Variants in KMO observed in about 807,000 individuals in gnomAD.
KMO encodes kynurenine 3-hydroxylase.
Under a neutral mutation model 57.8 loss-of-function variants are expected in KMO, and 24 were observed. The ratio of observed to expected loss-of-function variants is 0.42; its 90% CI spans 0.30 to 0.58. The LOEUF is 0.58. Ranked by LOEUF, KMO falls within the 20% of genes least tolerant of loss-of-function variation. The probability of loss-of-function intolerance (pLI) is 0.22; values close to 1 mark genes in which losing one functional copy is unlikely to be tolerated. For missense variants in KMO, 483 were observed against 588.2 expected (o/e 0.82, Z 1.85); for synonymous variants, 210 against 193.6 (o/e 1.08, Z -0.70).
chr1:241,578,745 G>A (rs1468423573), intron 10 of KMO, among the ~76,000 whole-genome samples: 1 of 152,088 alleles, frequency 6.6e-6, no homozygotes, highest in Admixed American at 6.5e-5. Context: ...AGGTAATGGT[G>A]TGTATTAATC....
chr1:241,592,242 C>T lies in KMO; in HGVS notation c.*89C>T. ...TGTTTCCATTGCCATATTTGATTCA[C>T]TAGTGGAAGATAGTGTTCTGCTTAT... On this transcript the variant is annotated 3_prime_UTR_variant, in exon 15 of 15. Transcript: ENST00000366559. 2 of 902,326 alleles carry T rather than the reference C, an allele frequency of 2.2e-6. No homozygotes were observed. The highest frequency in any genetic ancestry group is 1.5e-5 in the South Asian group (1 of 65,774). The allele number at this position is 902,326 out of a possible 1,614,324, so 55.9% of individuals were successfully genotyped here. A position where few individuals can be genotyped will look rare whatever the true frequency, so the allele number is the denominator to read the frequency against.
rs767738608 is a variant in KMO at position 241,549,643 on chromosome 1, G to A, written c.125-34G>A. ...CTCATCCTGAGCTAGGATATAAAGT[G>A]TGCGTAACATGGAGTCTGCTTCCAA... is the stretch of plus-strand genomic sequence containing the variant. On this transcript the variant is annotated intron_variant, in intron 2 of 14. Transcript: ENST00000366559. 2.2e-6 allele frequency: 3 copies of A among 1,387,398 alleles called. No individual in the cohort carries two copies. In the Admixed American group the frequency reaches 5.1e-5, roughly 24 times the overall value. The allele number at this position is 1,387,398 out of a possible 1,614,324, so 85.9% of individuals were successfully genotyped here.
chr1:241,540,858 G>A (rs952492206), intron 1 of KMO, among the ~76,000 whole-genome samples: 2 of 151,978 alleles, frequency 1.3e-5, no homozygotes, highest in African/African-American at 2.4e-5. Flanking sequence ...GAACCCAGGG[G>A]TTTGAGACCA....
At chr1:241,550,797 A>G (rs1661365876) in intron 3 of KMO, among the ~76,000 whole-genome samples, 158 bp from the exon 4 acceptor site, 1 of 152,216 alleles carries the variant, frequency 6.6e-6, no homozygotes, top group South Asian at 2.1e-4. Flanking sequence ...CACCATTTTC[A>G]TTGAAGGAGT....
intron 11 of KMO, 87 bp from the exon 12 acceptor site, chr1:241,588,661 T>C (rs1663117092): frequency 1.2e-6 from 1 of 853,348 alleles, no homozygotes; most frequent in Admixed American, 2.0e-5. Flanking sequence ...AGAGCATTGG[T>C]AGTGAACGTA....
chr1:241,550,293 C>T (rs1011424135), intron 3 of KMO, among the ~76,000 whole-genome samples: 1 of 152,050 alleles, frequency 6.6e-6, no homozygotes, highest in Non-Finnish European at 1.5e-5. Context: ...ATGTGATATC[C>T]AGCATATGTG....
intron 10 of KMO, among the ~76,000 whole-genome samples, chr1:241,570,779 T>G (rs1254178530): frequency 6.6e-6 from 1 of 152,126 alleles, no homozygotes; most frequent in Non-Finnish European, 1.5e-5. Context: ...CTTTGGTGAT[T>G]TCATATACAT....
intron 4 of KMO, among the ~76,000 whole-genome samples, chr1:241,551,385 T>C (rs370505328): frequency 1.1e-4 from 16 of 152,230 alleles, no homozygotes; most frequent in African/African-American, 3.6e-4. Context: ...TCAAGCATAA[T>C]GTACAAGAAC....
intron 1 of KMO, among the ~76,000 whole-genome samples, chr1:241,543,362 T>G (rs562260761): frequency 6.6e-6 from 1 of 152,352 alleles, no homozygotes; most frequent in Admixed American, 6.5e-5. Flanking sequence ...TATTTGCATA[T>G]GTCTATAGTT....
chr1:241,546,886 G>A (rs1661168295), intron 1 of KMO, among the ~76,000 whole-genome samples: 1 of 152,154 alleles, frequency 6.6e-6, no homozygotes, highest in Non-Finnish European at 1.5e-5. Flanking sequence ...CTTGGATGGA[G>A]ATTTGAGAAA....
At chr1:241,568,377 T>G in intron 9 of KMO, 123 bp from the exon 10 acceptor site, 2 of 955,170 alleles carry the variant, frequency 2.1e-6, no homozygotes, top group Non-Finnish European at 3.2e-6. Flanking sequence ...TTTTCTGTTT[T>G]CTTCTTGGCA....
intron 4 of KMO, among the ~76,000 whole-genome samples, chr1:241,552,479 C>T (rs990842818): frequency 3.3e-5 from 5 of 152,158 alleles, no homozygotes; most frequent in Non-Finnish European, 7.3e-5. Flanking sequence ...TGTGGGAGCA[C>T]AAAGCCATTC....
In KMO at chr1:241,592,492, G is replaced by A. The variant is rs1471456068; in HGVS notation, c.*339G>A. ...GCCTTTTCTTTAAAAGACACAATAG[G>A]ACTCGCAACAGCATTGACTCAACAC... On this transcript the variant is annotated 3_prime_UTR_variant, in exon 15 of 15. Coordinates refer to ENST00000366559, the MANE Select transcript of KMO (RefSeq NM_003679.5). The A allele has an allele frequency of 1.4e-5, 4 of 277,958 alleles. No homozygotes were observed. The highest frequency in any genetic ancestry group is 2.8e-5 in the Non-Finnish European group (4 of 144,488). 17.2% of individuals were successfully genotyped at this position (277,958 alleles called of 1,614,324 possible).
intron 4 of KMO, among the ~76,000 whole-genome samples, chr1:241,555,225 C>G (rs1661568675): frequency 6.6e-6 from 1 of 152,138 alleles, no homozygotes; most frequent in Admixed American, 6.6e-5. Flanking sequence ...GGAAATAGCA[C>G]TTTGATTCTA....
At position 241,558,662 on chromosome 1, in the gene KMO, A is replaced by G. The variant is rs143994765; in HGVS notation, c.362-2003A>G. 3.4e-3 allele frequency among the ~76,000 whole-genome samples: 523 copies of G among 152,136 alleles called. 3 individuals carry two copies. Among genetic ancestry groups the G allele is most frequent in the African/African-American group, 0.012 (489 of 41,496 alleles). ...AGTCTTTTTTCTTATAGTACTTCTC[A>G]GGGCTTTTATTATATTCTTGGTCTG... On this transcript the variant is annotated intron_variant, in intron 5 of 14. Transcript: ENST00000366559.
At position 241,588,815 on chromosome 1, in the gene KMO, G is replaced by T; in HGVS notation, c.1083G>T (p.Met361Ile). 3 of 1,612,422 alleles carry T rather than the reference G, an allele frequency of 1.9e-6. No homozygotes were observed. The African/African-American group carries it at 4.0e-5, about 21-fold the overall frequency. ...PDDHAISDLS[M>I]YNYIEMRAHV... is the part of the protein sequence containing the mutation. ...ATCACGCGATTTCAGACCTATCCAT[G>T]TACAATTACATAGAGGTGAGTGAGA... Residue 361 changes from methionine (M) to isoleucine (I), a missense_variant, in exon 12 of 15, where the codon ATG (methionine) becomes ATT (isoleucine). This residue lies in a region of KMO where 410 missense variants were observed against 492.3 expected (regional missense o/e 0.83). Transcript: ENST00000366559.
intron 3 of KMO, among the ~76,000 whole-genome samples, chr1:241,550,659 G>A (rs1661360845): frequency 1.3e-5 from 2 of 152,086 alleles, no homozygotes; most frequent in Non-Finnish European, 2.9e-5. Context: ...TTGTCATGAT[G>A]AGAAAATCAC....
At position 241,592,755 on chromosome 1, in the gene KMO, C is replaced by CATCTATCTATCT. The variant is rs3034552; in HGVS notation, c.*635_*646dup. On this transcript the variant is annotated 3_prime_UTR_variant, in exon 15 of 15. Coordinates refer to ENST00000366559, the MANE Select transcript of KMO (RefSeq NM_003679.5). ...ATCTATCATCTATCTATCTATCTATCATCTATCTATCTATCTATCTATCTA... is the reference window on the plus strand; with the variant it reads ...ATCTATCATCTATCTATCTATCTATCATCTATCTATCTATCTATCTATCTATCTATCTATCTA... The CATCTATCTATCT allele has an allele frequency of 0.023, 3,145 of 137,546 alleles. 37 individuals carry two copies. The highest frequency in any genetic ancestry group is 0.029 in the East Asian group (125 of 4,366). The allele number at this position is 137,546 out of a possible 1,614,324, so 8.5% of individuals were successfully genotyped here.
chr1:241,559,707 C>T (rs1661767770), intron 5 of KMO, among the ~76,000 whole-genome samples: 1 of 151,998 alleles, frequency 6.6e-6, no homozygotes, highest in Non-Finnish European at 1.5e-5. Flanking sequence ...AGAACTCCTG[C>T]CTTATTTTCC....
Sources: gnomAD v4.1 joint callset for allele counts (sites outside exome capture counted in the v4.1 genomes callset) on GRCh38, gnomAD v4.1.1 for gene constraint, gnomAD v4.1.1 regional missense constraint, MANE v1.5 for transcripts, NCBI Gene and HGNC (gene_info 2026-07-23, HGNC 2026-07-21) for gene names.